Variants in ZNF430 observed in about 807,000 individuals in gnomAD.
ZNF430 encodes the protein zinc finger protein 430.
A neutral mutation model predicts 56.7 loss-of-function variants in ZNF430; 35 were observed. The observed-to-expected ratio is 0.62, with a 90% CI of 0.47 to 0.82. The LOEUF is 0.82. Among genes scored for constraint, ZNF430 ranks in the 40% least tolerant of loss-of-function variants. The pLI is 0.00. For missense variants in ZNF430, 574 were observed against 661.0 expected, an observed-to-expected ratio of 0.87 and a Z score of 1.44; for synonymous variants, 212 against 224.3, an observed-to-expected ratio of 0.94 and a Z score of 0.49.
At chr19:21,035,318 T>A (rs1967976372) in intron 4 of ZNF430, 3 of 152,350 alleles carry the variant, frequency 2.0e-5, no homozygotes, top group African/African-American at 7.2e-5. Context: ...TATTTTAAAT[T>A]GTTTTCTTTC....
intron 4 of ZNF430, among the ~76,000 whole-genome samples, chr19:21,040,984 G>C (rs1046569205): frequency 6.6e-6 from 1 of 152,002 alleles, no homozygotes; most frequent in Non-Finnish European, 1.5e-5. Flanking sequence ...CCCAATTATG[G>C]TTACTATTTG....
chr19:21,052,158 T>C (rs1968295294), intron 4 of ZNF430, among the ~76,000 whole-genome samples: 2 of 152,162 alleles, frequency 1.3e-5, no homozygotes, highest in African/African-American at 2.4e-5. Flanking sequence ...TTCATTTTGG[T>C]CATAGAATGT....
rs71174785 is a variant in ZNF430, at chr19:21,021,823, A to ATTTTTTTTTTTTTTTTTTTTT, written c.4-956_4-936dup. On this transcript the variant is annotated intron_variant, in intron 1 of 4. Coordinates refer to ENST00000261560, the MANE Select transcript of ZNF430 (RefSeq NM_025189.4). ...TTTCAAAACGATGCGCCTGAGTTAG[A>ATTTTTTTTTTTTTTTTTTTTT]TTTTTTTTTTTTTTTTTTTTTTTTT... Among the ~76,000 whole-genome samples, 12 of 85,702 alleles carry ATTTTTTTTTTTTTTTTTTTTT rather than the reference A, an allele frequency of 1.4e-4. 2 individuals carry two copies. The highest frequency in any genetic ancestry group is 6.4e-4 in the African/African-American group (12 of 18,810). The allele number at this position is 85,702 out of a possible 152,430, so 56.2% of individuals were successfully genotyped here.
At chr19:21,055,304 C>T (rs1599509703) in intron 4 of ZNF430, among the ~76,000 whole-genome samples, 1 of 152,138 alleles carries the variant, frequency 6.6e-6, no homozygotes, top group East Asian at 1.9e-4. Flanking sequence ...TAGCTTTGTC[C>T]TGGCATAGTC....
At chr19:21,023,652 A>G (rs1347521446) in intron 2 of ZNF430, among the ~76,000 whole-genome samples, 1 of 152,202 alleles carries the variant, frequency 6.6e-6, no homozygotes, top group Non-Finnish European at 1.5e-5. Flanking sequence ...TTTTTGTAGA[A>G]AATAAATACA....
At chr19:21,041,045 A>G (rs952729655) in intron 4 of ZNF430, among the ~76,000 whole-genome samples, 34 of 152,180 alleles carry the variant, frequency 2.2e-4, no homozygotes, top group African/African-American at 7.5e-4. Context: ...ATTTGACTCA[A>G]TGCTAAAATG....
rs1967867510 is a variant in ZNF430, at chr19:21,029,784, G to A, written c.97-3672G>A. ...GTTTGAGACCAGCCTGACTAACATG[G>A]TGAAACCCCGTCTCTACTAAAAATA... On this transcript the variant is annotated intron_variant, in intron 2 of 4. Coordinates refer to ENST00000261560, the MANE Select transcript of ZNF430 (RefSeq NM_025189.4). Among the ~76,000 whole-genome samples the A allele has an allele frequency of 3.3e-5, 5 of 152,168 alleles. No homozygotes were observed. In the South Asian group the frequency reaches 1.0e-3, roughly 32 times the overall value.
intron 4 of ZNF430, among the ~76,000 whole-genome samples, chr19:21,056,193 C>CT (rs1437296805): frequency 6.6e-6 from 1 of 152,066 alleles, no homozygotes; most frequent in African/African-American, 2.4e-5. Context: ...AAATTAGGGC[C>CT]TTTGGGCCAG....
intron 3 of ZNF430, chr19:21,033,855 A>G: frequency 1.9e-6 from 1 of 529,598 alleles, no homozygotes; most frequent in Non-Finnish European, 3.1e-6. Flanking sequence ...TGTTGCCCAT[A>G]TCTTAAAATC....
intron 4 of ZNF430, among the ~76,000 whole-genome samples, chr19:21,055,443 TTTG>T (rs1355834766): frequency 1.8e-4 from 24 of 130,076 alleles, no homozygotes; most frequent in South Asian, 4.6e-4. Flanking sequence ...AGTTTTTTTT[TTTG>T]TTTGTTTTTT....
chr19:21,030,171 C>G (rs1264942755), intron 2 of ZNF430, among the ~76,000 whole-genome samples: 1 of 152,202 alleles, frequency 6.6e-6, no homozygotes, highest in Non-Finnish European at 1.5e-5. Flanking sequence ...CTAGCAGTTG[C>G]TCCACAAGCC....
intron 1 of ZNF430, among the ~76,000 whole-genome samples, chr19:21,022,488 C>T (rs1227623306): frequency 6.6e-6 from 1 of 152,100 alleles, no homozygotes; most frequent in Admixed American, 6.5e-5. Flanking sequence ...GATTTGTTAT[C>T]TGTTTGTAAA....
At position 21,057,265 on chromosome 19, in the gene ZNF430, T is replaced by C; in HGVS notation, c.957T>C (p.Cys319=). The C allele has an allele frequency of 6.2e-7, 1 of 1,613,346 alleles. No individual in the cohort carries two copies. The highest frequency in any genetic ancestry group is 8.5e-7 in the Non-Finnish European group (1 of 1,179,882). Residue 319 remains cysteine, a synonymous_variant, in exon 5 of 5, where the codon TGT becomes TGC. Coordinates refer to ENST00000261560, the MANE Select transcript of ZNF430 (RefSeq NM_025189.4). ...ATACTGGAGAGAAACCCTACAGATG[T>C]GAAGAATGTGGCAGAGCTTTTAACC... The part of the protein sequence containing the change: ...RIHTGEKPYR[C]EECGRAFNRS...
intron 2 of ZNF430, chr19:21,026,103 C>G (rs543627529): frequency 9.0e-6 from 2 of 222,514 alleles, no homozygotes; most frequent in African/African-American, 4.7e-5. Flanking sequence ...TGGTCTCCGT[C>G]TCTTGACCTC....
At position 21,029,537 on chromosome 19, in the gene ZNF430, C is replaced by A. The variant is rs183419063; in HGVS notation, c.97-3919C>A. ...CTTAGGAAAAACAGAACTGGAAATA[C>A]CTTGGTGGCAGAGAGAACATAATTC... On this transcript the variant is annotated intron_variant, in intron 2 of 4. Transcript: ENST00000261560. Among the ~76,000 whole-genome samples the A allele has an allele frequency of 7.9e-5, 12 of 152,230 alleles. No homozygotes were observed. The East Asian group carries it at 9.6e-4, about 12-fold the overall frequency.
intron 4 of ZNF430, among the ~76,000 whole-genome samples, chr19:21,041,575 C>G (rs543414872): frequency 6.6e-6 from 1 of 152,224 alleles, no homozygotes; most frequent in Admixed American, 6.5e-5. Flanking sequence ...GTAAACATGT[C>G]CCATGGTGGT....
rs1158431576 is a variant in ZNF430, at chr19:21,020,681, A to C, written c.-120A>C. 4.2e-6 allele frequency: 6 copies of C among 1,439,636 alleles called. No individual in the cohort carries two copies. The Admixed American group carries it at 1.0e-4, about 25-fold the overall frequency. The allele number at this position is 1,439,636 out of a possible 1,614,324, so 89.2% of individuals were successfully genotyped here. A position where few individuals can be genotyped will look rare whatever the true frequency, so the allele number is the denominator to read the frequency against. ...TGTCCCTCGCTGTGGCCTGAGCTCC[A>C]GGTCTCGTCTTCAGCGCTCTGTGTC... On this transcript the variant is annotated 5_prime_UTR_variant, in exon 1 of 5. Coordinates refer to ENST00000261560, the MANE Select transcript of ZNF430 (RefSeq NM_025189.4).
At chr19:21,035,398 T>C (rs1967977953) in intron 4 of ZNF430, 1 of 152,230 alleles carries the variant, frequency 6.6e-6, no homozygotes, top group Non-Finnish European at 1.5e-5. Flanking sequence ...ATTTACTGAG[T>C]GTATTAATTC....
intron 2 of ZNF430, among the ~76,000 whole-genome samples, chr19:21,027,740 T>A (rs1185800779): frequency 6.6e-6 from 1 of 152,180 alleles, no homozygotes; most frequent in Admixed American, 6.6e-5. Context: ...GTACATCTGG[T>A]AGAGTTCAGC....
Sources: gnomAD v4.1 joint callset for allele counts (sites outside exome capture counted in the v4.1 genomes callset) on GRCh38, gnomAD v4.1.1 for gene constraint, MANE v1.5 for transcripts, NCBI Gene and HGNC (gene_info 2026-07-23, HGNC 2026-07-21) for gene names.